KCNIP4: variants seen among roughly 807,000 people sequenced by gnomAD.
KCNIP4 encodes the protein potassium voltage-gated channel interacting protein 4, also known as Kv channel-interacting protein 4.
KCNIP4 carries 12 observed loss-of-function variants against 34.0 expected under a neutral mutation model. The ratio of observed to expected loss-of-function variants is 0.35; its 90% confidence interval spans 0.23 to 0.57. KCNIP4 has a LOEUF of 0.57. Ranked by LOEUF, KCNIP4 falls within the 20% of genes least tolerant of loss-of-function variation. KCNIP4 has a pLI of 0.83. For missense variants in KCNIP4, 238 were observed against 311.7 expected (o/e 0.76, Z 1.78); for synonymous variants, 124 against 102.2 (o/e 1.21, Z -1.29).
At chr4:20,744,934 G>A (rs1029713209) in intron 5 of KCNIP4, among the ~76,000 whole-genome samples, 9 of 152,114 alleles carry the variant, frequency 5.9e-5, no homozygotes, top group African/African-American at 1.4e-4. Flanking sequence ...GCCATGACCT[G>A]GGCGAAGTCA....
In KCNIP4 at chr4:21,704,541, G is replaced by A. The variant is rs547943708; in HGVS notation, c.61+244030C>T. Among the ~76,000 whole-genome samples the A allele has an allele frequency of 2.0e-5, 3 of 152,158 alleles. No homozygotes were observed. In the East Asian group the frequency reaches 5.8e-4, roughly 29 times the overall value. ...GAAGCACACAATTCAATTAGAACAT[G>A]AGCAAAAAACATGGAGAGTCATTTC... On this transcript the variant is annotated intron_variant, in intron 1 of 8. Coordinates refer to ENST00000382152, the MANE Select transcript of KCNIP4 (RefSeq NM_025221.6).
chr4:21,391,335 A>T (rs888990543), intron 1 of KCNIP4, among the ~76,000 whole-genome samples: 1 of 142,474 alleles, frequency 7.0e-6, no homozygotes, highest in Non-Finnish European at 1.5e-5. Context: ...AAAAGGAAAA[A>T]CTTACTAAGC....
rs36044149 is a variant in KCNIP4 at position 20,988,000 on chromosome 4, C to CAAAAAAAA, written c.62-105299_62-105292dup. The stretch of plus-strand genomic sequence containing the variant: ...TGGGCGACACGGCGAGATTCCATCT[C>CAAAAAAAA]AAAAAAAAAAAAAAAAAAAAAATTA... On this transcript the variant is annotated intron_variant, in intron 1 of 8. Transcript: ENST00000382152. Among the ~76,000 whole-genome samples, 263 of 46,302 alleles carry CAAAAAAAA rather than the reference C, an allele frequency of 5.7e-3. 28 individuals are homozygous for CAAAAAAAA. Among genetic ancestry groups the CAAAAAAAA allele is most frequent in the African/African-American group, 0.02 (231 of 11,792 alleles). 30.4% of individuals were successfully genotyped at this position (46,302 alleles called of 152,430 possible).
chr4:21,226,256 A>G (rs1394601921), intron 1 of KCNIP4, among the ~76,000 whole-genome samples: 3 of 37,654 alleles, frequency 8.0e-5, no homozygotes, highest in Non-Finnish European at 1.4e-4. Context: ...GGAGGGAGGG[A>G]GGGAGGGAGG....
chr4:21,101,816 A>G (rs1216965923), intron 1 of KCNIP4, among the ~76,000 whole-genome samples: 2 of 152,236 alleles, frequency 1.3e-5, no homozygotes, highest in Non-Finnish European at 2.9e-5. Context: ...TTATCTATAG[A>G]CAACACATGA....
intron 3 of KCNIP4, 197 bp downstream of exon 3, chr4:20,850,346 C>T (rs3765119): frequency 0.38 from 189,569 of 495,200 alleles, 38,251 homozygotes; most frequent in Admixed American, 0.48. Flanking sequence ...AATGGGCAAT[C>T]ACAGTATGCC....
chr4:21,487,249 A>G (rs547477475), intron 1 of KCNIP4, among the ~76,000 whole-genome samples: 4 of 151,886 alleles, frequency 2.6e-5, no homozygotes, highest in African/African-American at 7.2e-5. Flanking sequence ...GTTTTTTGAG[A>G]CCTCATTCGT....
At chr4:20,881,724 A>C (rs975802113) in intron 2 of KCNIP4, among the ~76,000 whole-genome samples, 10 of 152,238 alleles carry the variant, frequency 6.6e-5, no homozygotes, top group African/African-American at 2.4e-4. Context: ...GCTATAGTAC[A>C]CAGTGATTTA....
intron 1 of KCNIP4, among the ~76,000 whole-genome samples, chr4:21,841,661 T>C (rs73256581): frequency 0.38 from 57,680 of 152,030 alleles, 12,583 homozygotes; most frequent in Non-Finnish European, 0.51. Flanking sequence ...TTGAACCATA[T>C]GAAATCTATA....
At chr4:20,951,110 C>A (rs1248413645) in intron 1 of KCNIP4, among the ~76,000 whole-genome samples, 1 of 152,122 alleles carries the variant, frequency 6.6e-6, no homozygotes, top group Non-Finnish European at 1.5e-5. Context: ...CTCTCTCTCT[C>A]TCTGTCTCTC....
At chr4:21,843,422 T>C (rs1177529149) in intron 1 of KCNIP4, 1 of 152,082 alleles carries the variant, frequency 6.6e-6, no homozygotes, top group African/African-American at 2.4e-5. Context: ...CACCTTGACA[T>C]TGGAGACTAT....
chr4:21,115,238 T>C (rs1421924263), intron 1 of KCNIP4, among the ~76,000 whole-genome samples: 1 of 152,194 alleles, frequency 6.6e-6, no homozygotes, highest in Admixed American at 6.5e-5. Context: ...TTAATACAGT[T>C]GCAATCCAAG....
intron 1 of KCNIP4, among the ~76,000 whole-genome samples, chr4:21,668,181 T>C (rs563652869): frequency 2.3e-4 from 35 of 152,120 alleles, no homozygotes; most frequent in African/African-American, 8.0e-4. Flanking sequence ...AGTTGAACAA[T>C]GAGAACACAT....
intron 1 of KCNIP4, among the ~76,000 whole-genome samples, chr4:20,983,333 A>G (rs1736266981): frequency 6.6e-6 from 1 of 152,228 alleles, no homozygotes; most frequent in African/African-American, 2.4e-5. Context: ...ACTCAATTTC[A>G]TATCAAAAGC....
At chr4:21,414,713 A>C (rs1195254665) in intron 1 of KCNIP4, among the ~76,000 whole-genome samples, 1 of 152,238 alleles carries the variant, frequency 6.6e-6, no homozygotes, top group Non-Finnish European at 1.5e-5. Flanking sequence ...TAGGTAAAGA[A>C]AATGTGGTAC....
intron 1 of KCNIP4, among the ~76,000 whole-genome samples, chr4:21,254,056 C>G (rs371442282): frequency 6.6e-6 from 1 of 152,006 alleles, no homozygotes; most frequent in South Asian, 2.1e-4. Flanking sequence ...AGGTGAGAAA[C>G]GAAGAACAAC....
At chr4:21,940,436 T>C (rs1298987949) in intron 1 of KCNIP4, among the ~76,000 whole-genome samples, 1 of 152,202 alleles carries the variant, frequency 6.6e-6, no homozygotes, top group Non-Finnish European at 1.5e-5. Flanking sequence ...GTTATGAGAA[T>C]GAATATTTTA....
chr4:21,329,881 G>A (rs183844097), intron 1 of KCNIP4, among the ~76,000 whole-genome samples: 3 of 152,266 alleles, frequency 2.0e-5, no homozygotes, highest in African/African-American at 4.8e-5. Flanking sequence ...ACCTAAAAAT[G>A]TCAATTTTAC....
At chr4:21,261,828 C>G (rs568856849) in intron 1 of KCNIP4, among the ~76,000 whole-genome samples, 2 of 152,234 alleles carry the variant, frequency 1.3e-5, no homozygotes, top group South Asian at 4.1e-4. Flanking sequence ...AAATAAATTA[C>G]AGAATGACAG....
Sources: gnomAD v4.1 joint callset for allele counts (sites outside exome capture counted in the v4.1 genomes callset) on GRCh38, gnomAD v4.1.1 for gene constraint, MANE v1.5 for transcripts, NCBI Gene and HGNC (gene_info 2026-07-23, HGNC 2026-07-21) for gene names.